The following RFX2 variants were observed in gnomAD, a reference collection of about 807,000 sequenced individuals.
The protein encoded by RFX2 is DNA-binding protein RFX2.
Under a neutral mutation model 87.8 loss-of-function variants are expected in RFX2, and 20 were observed. The observed-to-expected ratio is 0.23, with a 90% CI of 0.16 to 0.33. The LOEUF (loss-of-function observed/expected upper bound fraction) is 0.33, where lower values mean the gene tolerates loss of function less well. Ranked by LOEUF, RFX2 falls within the 10% of genes least tolerant of loss-of-function variation. RFX2 has a pLI of 1.00. For missense variants in RFX2, 767 were observed against 1,012.3 expected (o/e 0.76, Z 3.29); for synonymous variants, 397 against 431.3 (o/e 0.92, Z 0.98).
rs372274482 is a variant in RFX2 at position 6,110,209 on chromosome 19, G to C, written c.-9+184C>G. On this transcript the variant is annotated intron_variant, in intron 1 of 17. Coordinates refer to ENST00000303657, the MANE Select transcript of RFX2 (RefSeq NM_000635.4). The surrounding 1 kb of genome is among the most constrained non-coding windows in gnomAD (Gnocchi z 4.3). ...AATAAGGAAAGTGGGGACGTCGCCA[G>C]GGTCCCCCCAAACTCCGCCGCGCGC... Among the ~76,000 whole-genome samples, 2 of 134,572 alleles carry C rather than the reference G, an allele frequency of 1.5e-5. No individual in the cohort carries two copies. Among genetic ancestry groups the C allele is most frequent in the East Asian group, 4.6e-4 (2 of 4,368 alleles). 88.3% of individuals were successfully genotyped at this position (134,572 alleles called of 152,430 possible). A position where few individuals can be genotyped will look rare whatever the true frequency, so the allele number is the denominator to read the frequency against.
chr19:6,043,493 G>A (rs1258154255), intron 3 of RFX2, among the ~76,000 whole-genome samples: 1 of 152,240 alleles, frequency 6.6e-6, no homozygotes, highest in African/African-American at 2.4e-5. Flanking sequence ...ATTCTGCAGG[G>A]CACAGTTGGC....
rs1410337939 is a variant in RFX2 at position 5,993,272 on chromosome 19, A to C, written c.*1563T>G. ...TCCAAGGAGAGGAGATGTATATTTT[A>C]AAGACATTCTTTCTGTCTGATTTCA... On this transcript the variant is annotated 3_prime_UTR_variant, in exon 18 of 18. Transcript: ENST00000303657. 1 of 152,220 alleles carries C rather than the reference A, an allele frequency of 6.6e-6. No homozygotes were observed. Among genetic ancestry groups the C allele is most frequent in the Non-Finnish European group, 1.5e-5 (1 of 68,044 alleles). 9.4% of individuals were successfully genotyped at this position (152,220 alleles called of 1,614,324 possible).
At chr19:6,031,383 CT>C (rs199989948) in intron 5 of RFX2, among the ~76,000 whole-genome samples, 2,365 of 138,588 alleles carry the variant, frequency 0.017, 73 homozygotes, top group African/African-American at 0.06. Flanking sequence ...CAAGGACATT[CT>C]TAAATGAAAC....
intron 1 of RFX2, among the ~76,000 whole-genome samples, chr19:6,059,064 C>T (rs1305237198): frequency 6.6e-6 from 1 of 152,030 alleles, no homozygotes; most frequent in Non-Finnish European, 1.5e-5. Context: ...ACTACAGCCT[C>T]GACCTCCCTG....
chr19:6,066,776 C>T (rs1018728498), intron 1 of RFX2, among the ~76,000 whole-genome samples: 4 of 152,150 alleles, frequency 2.6e-5, no homozygotes, highest in African/African-American at 7.2e-5. Flanking sequence ...ACTGTTTGCC[C>T]GGCCCTCATT....
rs375249416 is a variant in RFX2 at position 6,013,146 on chromosome 19, G to A, written c.780-41C>T. Reference sequence around the variant, plus strand: ...CCCAGGGTCAGCTCCCTTTGCAGATGTCCTGAACAACAAGACAGGTTGGGA... The same window carrying A: ...CCCAGGGTCAGCTCCCTTTGCAGATATCCTGAACAACAAGACAGGTTGGGA... On this transcript the variant is annotated intron_variant, in intron 7 of 17. Transcript: ENST00000303657. This position sits in a 1 kb window ranked among gnomAD's most constrained non-coding sequence, Gnocchi z 4.1. 4 of 1,535,302 alleles carry A rather than the reference G, an allele frequency of 2.6e-6. No homozygotes were observed. The highest frequency in any genetic ancestry group is 2.6e-6 in the Non-Finnish European group (3 of 1,143,640).
chr19:6,089,061 A>G (rs111973445), intron 1 of RFX2, among the ~76,000 whole-genome samples: 3,450 of 152,336 alleles, frequency 0.023, 141 homozygotes, highest in African/African-American at 0.079. Flanking sequence ...GGAAAAAAGC[A>G]TTCTTAGTTC....
At chr19:6,067,497 G>A (rs1175377098) in intron 1 of RFX2, among the ~76,000 whole-genome samples, 1 of 152,194 alleles carries the variant, frequency 6.6e-6, no homozygotes, top group African/African-American at 2.4e-5. Context: ...CCAGATGGCA[G>A]GACACACAAG....
rs886120941 is a variant in RFX2, at chr19:6,064,286, C to T, written c.-8-16782G>A. Among the ~76,000 whole-genome samples, 10 of 152,234 alleles carry T rather than the reference C, an allele frequency of 6.6e-5. 1 individual carries two copies. Among genetic ancestry groups the T allele is most frequent in the Admixed American group, 4.6e-4 (7 of 15,286 alleles). ...GTCCCAGGATTCTTGGAAGCGGCTT[C>T]CTAAGGCATCATGCTTTTGTGTTCT... is the stretch of plus-strand genomic sequence containing the variant. On this transcript the variant is annotated intron_variant, in intron 1 of 17. Coordinates refer to ENST00000303657, the MANE Select transcript of RFX2 (RefSeq NM_000635.4). This position sits in a 1 kb window ranked among gnomAD's most constrained non-coding sequence, Gnocchi z 4.8.
At chr19:6,086,867 T>C (rs1159235114) in intron 1 of RFX2, among the ~76,000 whole-genome samples, 1 of 152,218 alleles carries the variant, frequency 6.6e-6, no homozygotes, top group East Asian at 1.9e-4. Context: ...ACTACTAACG[T>C]AGATTGTCAT....
Position 5,999,507 on chromosome 19 carries a change from C to T in RFX2, c.1860-2294G>A, listed in dbSNP as rs893929021. On this transcript the variant is annotated intron_variant, in intron 15 of 17. Transcript: ENST00000303657. This position sits in a 1 kb window ranked among gnomAD's most constrained non-coding sequence, Gnocchi z 4.1. ...CCCTTGCTCTTCCTCCCTCATTATC[C>T]CAGTGTGGCTTTATTGTAATTTCTG... is the stretch of plus-strand genomic sequence containing the variant. 6.6e-6 allele frequency among the ~76,000 whole-genome samples: 1 copy of T among 152,034 alleles called. No individual in the cohort carries two copies. The highest frequency in any genetic ancestry group is 2.4e-5 in the African/African-American group (1 of 41,386).
chr19:6,040,078 TC>T lies in RFX2; in HGVS notation c.423del (p.Ser142AlafsTer72). On this transcript the variant is annotated frameshift_variant, in exon 5 of 18. Transcript: ENST00000303657. LOFTEE classifies it high-confidence loss of function. This position sits in a 1 kb window ranked among gnomAD's most constrained non-coding sequence, Gnocchi z 6.1. ...SMVGITMDVG[G>X]SPIVSSAGAY... ...GCTCCCGCGCTGGAGACGATGGGGC[TC>T]CCCCCGACATCCATGGTGATGCCCA... 2 of 1,608,688 alleles carry T rather than the reference TC, an allele frequency of 1.2e-6. No homozygotes were observed.
Position 6,064,607 on chromosome 19 carries a change from GGGCACCTGTGCC to G in RFX2, c.-8-17115_-8-17104del. 6.6e-6 allele frequency among the ~76,000 whole-genome samples: 1 copy of G among 152,298 alleles called. No individual in the cohort carries two copies. The highest frequency in any genetic ancestry group is 1.5e-5 in the Non-Finnish European group (1 of 68,008). On this transcript the variant is annotated intron_variant, in intron 1 of 17. Transcript: ENST00000303657. The surrounding 1 kb of genome is among the most constrained non-coding windows in gnomAD (Gnocchi z 4.8). ...GACCTGACCCGGCAGCACGCCCACT[GGGCACCTGTGCC>G]CACCTGGGGATGGGGTCTCGTCCTG... is the stretch of plus-strand genomic sequence containing the variant.
chr19:6,070,701 GC>G (rs2087594913), intron 1 of RFX2, among the ~76,000 whole-genome samples: 1 of 152,036 alleles, frequency 6.6e-6, no homozygotes, highest in South Asian at 2.1e-4. Context: ...CTTTTTCACT[GC>G]TTTCTTTTTC....
chr19:6,102,086 A>G (rs184210320), intron 1 of RFX2, among the ~76,000 whole-genome samples: 51 of 152,320 alleles, frequency 3.3e-4, no homozygotes, highest in African/African-American at 1.2e-3. Context: ...TAGTCATCAC[A>G]TTCACGGGGA....
rs778862066 is a variant in RFX2, at chr19:6,007,383, C to G, written c.1248-217G>C. ...CCTCACTGTCCACGCTGTCCCTCCC[C>G]TGCCAGTGGTCATACTGTCATACTG... On this transcript the variant is annotated intron_variant, in intron 11 of 17. Transcript: ENST00000303657. This position sits in a 1 kb window ranked among gnomAD's most constrained non-coding sequence, Gnocchi z 8.2. Among the ~76,000 whole-genome samples, 8 of 152,206 alleles carry G rather than the reference C, an allele frequency of 5.3e-5. No individual in the cohort carries two copies. The highest frequency in any genetic ancestry group is 5.2e-4 in the Admixed American group (8 of 15,266).
At chr19:6,000,303 G>A (rs1304906859) in intron 15 of RFX2, among the ~76,000 whole-genome samples, 3 of 152,178 alleles carry the variant, frequency 2.0e-5, no homozygotes, top group South Asian at 4.1e-4. Context: ...TCGTTTTCAC[G>A]CTTGCCAGAT....
At chr19:6,084,833 C>A (rs551439322) in intron 1 of RFX2, among the ~76,000 whole-genome samples, 1 of 152,168 alleles carries the variant, frequency 6.6e-6, no homozygotes, top group African/African-American at 2.4e-5. Flanking sequence ...TGGGTTTCAC[C>A]ATGTTGGCCA....
intron 7 of RFX2, among the ~76,000 whole-genome samples, chr19:6,015,644 G>A (rs1020798215): frequency 2.0e-5 from 3 of 151,808 alleles, no homozygotes; most frequent in Admixed American, 6.6e-5. Flanking sequence ...GTGCAAATAC[G>A]TGTGCACCAC....
Sources: gnomAD v4.1 joint callset for allele counts (sites outside exome capture counted in the v4.1 genomes callset) on GRCh38, gnomAD v4.1.1 for gene constraint, Gnocchi (gnomAD v3.1) non-coding constraint, MANE v1.5 for transcripts, NCBI Gene and HGNC (gene_info 2026-07-23, HGNC 2026-07-21) for gene names.